Variants in NUP155 observed in about 807,000 individuals in gnomAD.
NUP155 encodes nucleoporin 155, also known as nuclear pore complex protein Nup155.
NUP155 carries 71 observed loss-of-function variants against 180.4 expected under a neutral mutation model. The observed-to-expected ratio is 0.39, with a 90% CI of 0.33 to 0.48. The LOEUF is 0.48. NUP155 is among the 20% of genes least tolerant of loss of function. NUP155 has a pLI of 0.91. For missense variants in NUP155, 1,553 were observed against 1,648.9 expected, an observed-to-expected ratio of 0.94 and a Z score of 1.01; for synonymous variants, 582 against 559.5, an observed-to-expected ratio of 1.04 and a Z score of -0.57.
intron 9 of NUP155, among the ~76,000 whole-genome samples, chr5:37,346,172 G>A (rs1746070167): frequency 6.6e-6 from 1 of 151,926 alleles, no homozygotes; most frequent in Admixed American, 6.6e-5. Flanking sequence ...TAGCTACTCA[G>A]GAAGCTTAGG....
At chr5:37,330,757 CA>C (rs1280739959) in intron 14 of NUP155, among the ~76,000 whole-genome samples, 1 of 151,800 alleles carries the variant, frequency 6.6e-6, no homozygotes, top group African/African-American at 2.4e-5. Flanking sequence ...ACAAACAAAC[CA>C]AAAACAACTT....
intron 10 of NUP155, 117 bp from the exon 11 acceptor site, chr5:37,341,359 CCTGA>C (rs1318254715): frequency 9.3e-5 from 84 of 899,800 alleles, no homozygotes; most frequent in Admixed American, 6.1e-4. Flanking sequence ...ACATAACTTT[CCTGA>C]CTAATTTTTA....
intron 1 of NUP155, among the ~76,000 whole-genome samples, chr5:37,364,610 C>G (rs1581218910): frequency 6.7e-6 from 1 of 149,778 alleles, no homozygotes; most frequent in East Asian, 2.0e-4. Context: ...AAAACTTGCT[C>G]TGTAACAAAG....
chr5:37,348,105 G>A (rs190453181), intron 9 of NUP155, among the ~76,000 whole-genome samples: 400 of 152,146 alleles, frequency 2.6e-3, no homozygotes, highest in African/African-American at 8.6e-3. Context: ...CTGCACTCCC[G>A]CCTGGGCAAC....
At chr5:37,321,749 T>C (rs1469782877) in intron 20 of NUP155, among the ~76,000 whole-genome samples, 3 of 151,826 alleles carry the variant, frequency 2.0e-5, no homozygotes, top group Non-Finnish European at 2.9e-5. Context: ...TATATATGTA[T>C]ACACACACAC....
chr5:37,339,794 T>C (rs1745591537), intron 11 of NUP155, among the ~76,000 whole-genome samples: 1 of 152,164 alleles, frequency 6.6e-6, no homozygotes, highest in African/African-American at 2.4e-5. Flanking sequence ...GATGGAGTCT[T>C]GCTCTGTCCC....
At chr5:37,353,325 A>G (rs932471863) in intron 4 of NUP155, among the ~76,000 whole-genome samples, 2 of 152,220 alleles carry the variant, frequency 1.3e-5, no homozygotes, top group Admixed American at 1.3e-4. Flanking sequence ...TTGGCCGGGC[A>G]CGCCTGTAAT....
chr5:37,292,949 G>T lies in NUP155; in HGVS notation c.3967C>A (p.Leu1323Ile), dbSNP rs1447431365. 6.2e-7 allele frequency: 1 copy of T among 1,612,328 alleles called. No homozygotes were observed. Among genetic ancestry groups the T allele is most frequent in the East Asian group, 2.2e-5 (1 of 44,704 alleles). ...FWNRMKKPLH[L>I]LDCIHVLLIR... ...AATAATACATGTATACAATCCAAAAGGTGCAGTGGCTTCTTCATTCTGTTC... is the reference window on the plus strand; with the variant it reads ...AATAATACATGTATACAATCCAAAATGTGCAGTGGCTTCTTCATTCTGTTC... Residue 1323 changes from leucine to isoleucine, a missense_variant, in exon 34 of 35, where the codon CTT becomes ATT. Physicochemically the swap from Leu to Ile is conservative, Grantham distance 5. Coordinates refer to ENST00000231498, the MANE Select transcript of NUP155 (RefSeq NM_153485.3).
In NUP155 at chr5:37,340,935, C is replaced by A. The variant is rs59833929; in HGVS notation, c.1246+155G>T. Among the ~76,000 whole-genome samples, 12,842 of 152,154 alleles carry A rather than the reference C, an allele frequency of 0.084. 1,721 individuals carry two copies. The highest frequency in any genetic ancestry group is 0.29 in the African/African-American group (11,849 of 41,478). ...GTACTGAGCATAAGACCCAATAGTC[C>A]GTTTTTCAACCCTTGCTCCCCTACT... is the stretch of plus-strand genomic sequence containing the variant. On this transcript the variant is annotated intron_variant, in intron 11 of 34. Transcript: ENST00000231498.
chr5:37,336,089 A>G (rs1745309341), intron 12 of NUP155, among the ~76,000 whole-genome samples: 1 of 152,184 alleles, frequency 6.6e-6, no homozygotes, highest in Non-Finnish European at 1.5e-5. Flanking sequence ...CTCATACACT[A>G]TACTTGATGA....
Position 37,331,696 on chromosome 5 carries a change from T to TA in NUP155, c.1617dup (p.Lys540Ter). On this transcript the variant is annotated frameshift_variant, in exon 14 of 35. Coordinates refer to ENST00000231498, the MANE Select transcript of NUP155 (RefSeq NM_153485.3). LOFTEE classifies it high-confidence loss of function. Reference sequence around the variant, plus strand: ...GTATATATAATTACCTGATGTAATTTAAAGAATCTTTCAATCTCTTCTCCA... The same window carrying TA: ...GTATATATAATTACCTGATGTAATTTAAAAGAATCTTTCAATCTCTTCTCCA... The TA allele has an allele frequency of 1.3e-6, 2 of 1,584,028 alleles. No individual in the cohort carries two copies. Among genetic ancestry groups the TA allele is most frequent in the Non-Finnish European group, 1.7e-6 (2 of 1,155,474 alleles).
At chr5:37,365,344 G>T (rs561895570) in intron 1 of NUP155, among the ~76,000 whole-genome samples, 1 of 152,108 alleles carries the variant, frequency 6.6e-6, no homozygotes, top group South Asian at 2.1e-4. Flanking sequence ...TGAGAGGATA[G>T]ATACCCCATT....
chr5:37,295,353 A>C (rs1438672219), intron 32 of NUP155, among the ~76,000 whole-genome samples: 1 of 152,090 alleles, frequency 6.6e-6, no homozygotes, highest in East Asian at 1.9e-4. Context: ...TCAGTGCTCA[A>C]TGGTGCCCAG....
intron 11 of NUP155, among the ~76,000 whole-genome samples, chr5:37,338,398 CACA>C (rs1745489637): frequency 6.7e-6 from 1 of 150,236 alleles, no homozygotes; most frequent in South Asian, 2.1e-4. Context: ...AATATACACA[CACA>C]ACATCAATCT....
intron 34 of NUP155, 84 bp downstream of exon 34, chr5:37,292,795 C>G (rs755582709): frequency 1.1e-4 from 93 of 822,924 alleles, no homozygotes; most frequent in Admixed American, 9.0e-4. Context: ...AGAATCTTCC[C>G]ATCTTCTCTT....
At chr5:37,343,590 C>T (rs1192812713) in intron 9 of NUP155, among the ~76,000 whole-genome samples, 1 of 151,830 alleles carries the variant, frequency 6.6e-6, no homozygotes, top group African/African-American at 2.4e-5. Context: ...ATCATTACTG[C>T]TAATTAAAAA....
rs2150931625 is a variant in NUP155, at chr5:37,288,889, C to T, written c.*3011G>A. On this transcript the variant is annotated 3_prime_UTR_variant, in exon 35 of 35. Coordinates refer to ENST00000231498, the MANE Select transcript of NUP155 (RefSeq NM_153485.3). ...GACCAGCCTGACCAACACGGTGAAACCCCATCTCTACTAAAAATACAAAAA... is the reference window on the plus strand; with the variant it reads ...GACCAGCCTGACCAACACGGTGAAATCCCATCTCTACTAAAAATACAAAAA... 1 of 150,356 alleles carries T rather than the reference C, an allele frequency of 6.7e-6. No individual in the cohort carries two copies. The highest frequency in any genetic ancestry group is 2.1e-4 in the South Asian group (1 of 4,740). The allele number at this position is 150,356 out of a possible 1,614,324, so 9.3% of individuals were successfully genotyped here.
chr5:37,370,386 A>G (rs1747883372), intron 1 of NUP155, among the ~76,000 whole-genome samples: 1 of 148,276 alleles, frequency 6.7e-6, no homozygotes, highest in Non-Finnish European at 1.5e-5. Context: ...AAATAAACAA[A>G]TAAATATAAA....
At chr5:37,304,697 C>A (rs200803883) in intron 27 of NUP155, 42 bp downstream of exon 27, 1 of 1,325,276 alleles carries the variant, frequency 7.5e-7, no homozygotes, top group East Asian at 2.3e-5. Flanking sequence ...GAGTTATGCT[C>A]CTTAAGAATA....
Sources: gnomAD v4.1 joint callset for allele counts (sites outside exome capture counted in the v4.1 genomes callset) on GRCh38, gnomAD v4.1.1 for gene constraint, MANE v1.5 for transcripts, NCBI Gene and HGNC (gene_info 2026-07-23, HGNC 2026-07-21) for gene names.